RASSF5: variants seen among roughly 807,000 people sequenced by gnomAD.
The protein encoded by RASSF5 is ras association domain-containing protein 5.
In RASSF5, 25 loss-of-function variants were observed where a neutral mutation model predicts 40.5. The ratio of observed to expected loss-of-function variants is 0.62; its 90% confidence interval spans 0.45 to 0.86. RASSF5 has a LOEUF of 0.86. Ranked by LOEUF, RASSF5 falls within the 40% of genes least tolerant of loss-of-function variation. The pLI, the probability that RASSF5 is intolerant of heterozygous loss-of-function variation, is 0.00. For synonymous variants in RASSF5, 246 were observed against 252.4 expected (o/e 0.97, Z 0.24); for missense variants, 521 against 572.8 (o/e 0.91, Z 0.92).
chr1:206,583,794 T>C (rs1553406897), intron 3 of RASSF5: 1 of 191,812 alleles, frequency 5.2e-6, no homozygotes, highest in Non-Finnish European at 1.1e-5. Flanking sequence ...GCACCCAACT[T>C]AGCACCCAGT....
At chr1:206,530,999 A>G (rs1404540444) in intron 1 of RASSF5, among the ~76,000 whole-genome samples, 4 of 152,254 alleles carry the variant, frequency 2.6e-5, no homozygotes, top group Admixed American at 6.5e-5. Context: ...CGAGGTAAAA[A>G]GGAGAACTAA....
intron 2 of RASSF5, among the ~76,000 whole-genome samples, chr1:206,548,508 A>T (rs1667754214): frequency 6.6e-6 from 1 of 152,170 alleles, no homozygotes; most frequent in African/African-American, 2.4e-5. Flanking sequence ...TGCCGCCTCA[A>T]CCTAGACACC....
chr1:206,519,076 G>C (rs782406268), intron 1 of RASSF5, among the ~76,000 whole-genome samples: 7 of 152,088 alleles, frequency 4.6e-5, no homozygotes, highest in Non-Finnish European at 8.8e-5. Flanking sequence ...TCCCGGCCTC[G>C]GGAAGTGGCC....
intron 1 of RASSF5, among the ~76,000 whole-genome samples, chr1:206,537,221 T>C (rs782064748): frequency 5.9e-5 from 9 of 152,292 alleles, no homozygotes; most frequent in Non-Finnish European, 1.2e-4. Context: ...ATCTCTGAGG[T>C]AGTCCCCAAA....
rs782676982 is a variant in RASSF5, at chr1:206,531,345, G to A, written c.458-6827G>A. ...AGGGTCGCATTCAGGAACTGTGGCC[G>A]AGGAGATCCGGAGCAGGCGGTGAGG... On this transcript the variant is annotated intron_variant, in intron 1 of 5. Transcript: ENST00000579436. This position sits in a 1 kb window ranked among gnomAD's most constrained non-coding sequence, Gnocchi z 4.7. Among the ~76,000 whole-genome samples, 7 of 152,246 alleles carry A rather than the reference G, an allele frequency of 4.6e-5. No individual in the cohort carries two copies. The highest frequency in any genetic ancestry group is 1.0e-4 in the Non-Finnish European group (7 of 68,046).
intron 2 of RASSF5, among the ~76,000 whole-genome samples, chr1:206,576,144 A>G (rs1553405153): frequency 2.0e-5 from 3 of 152,256 alleles, no homozygotes; most frequent in Admixed American, 6.5e-5. Flanking sequence ...AACATGTGAA[A>G]CAATCATTAA....
At position 206,531,689 on chromosome 1, in the gene RASSF5, G is replaced by T. The variant is rs1178965281; in HGVS notation, c.458-6483G>T. ...AAGGGATTGAAGACAGGTACCATGA[G>T]ATGGTGACAGTCCCCACTGACTTAT... On this transcript the variant is annotated intron_variant, in intron 1 of 5. Coordinates refer to ENST00000579436, the MANE Select transcript of RASSF5 (RefSeq NM_182663.4). This position sits in a 1 kb window ranked among gnomAD's most constrained non-coding sequence, Gnocchi z 4.7. Among the ~76,000 whole-genome samples the T allele has an allele frequency of 2.0e-5, 3 of 152,204 alleles. No homozygotes were observed. The highest frequency in any genetic ancestry group is 2.9e-5 in the Non-Finnish European group (2 of 68,030).
At chr1:206,551,434 T>C (rs1476219947) in intron 2 of RASSF5, among the ~76,000 whole-genome samples, 4 of 152,198 alleles carry the variant, frequency 2.6e-5, no homozygotes, top group Non-Finnish European at 5.9e-5. Context: ...CTGGGACAGC[T>C]TTCTCCATGG....
chr1:206,564,502 A>C (rs1272650691), intron 2 of RASSF5, among the ~76,000 whole-genome samples: 1 of 152,222 alleles, frequency 6.6e-6, no homozygotes, highest in Non-Finnish European at 1.5e-5. Flanking sequence ...GAAAGATTTT[A>C]TGCCAGTATC....
At chr1:206,512,820 A>T (rs1422751835) in intron 1 of RASSF5, among the ~76,000 whole-genome samples, 2 of 152,246 alleles carry the variant, frequency 1.3e-5, no homozygotes, top group Non-Finnish European at 2.9e-5. Flanking sequence ...GAGAATGGGC[A>T]TAAGAAGAAT....
chr1:206,518,685 A>G, intron 1 of RASSF5: 1 of 394,010 alleles, frequency 2.5e-6, no homozygotes, highest in Non-Finnish European at 4.5e-6. Context: ...GGCCCTCCTG[A>G]CTCCGCAAGG....
At chr1:206,582,369 T>A (rs1668925688) in intron 2 of RASSF5, among the ~76,000 whole-genome samples, 1 of 152,180 alleles carries the variant, frequency 6.6e-6, no homozygotes, top group Admixed American at 6.5e-5. Flanking sequence ...AGGAACACAA[T>A]GGGACAGACC....
intron 1 of RASSF5, among the ~76,000 whole-genome samples, chr1:206,511,554 C>T (rs1415089433): frequency 6.6e-6 from 1 of 152,190 alleles, no homozygotes; most frequent in Admixed American, 6.5e-5. Flanking sequence ...CACCTGTCTG[C>T]TCCTGGAGTC....
At chr1:206,580,019 G>A (rs1363075523) in intron 2 of RASSF5, among the ~76,000 whole-genome samples, 1 of 152,296 alleles carries the variant, frequency 6.6e-6, no homozygotes, top group East Asian at 1.9e-4. Context: ...TCCCAGACAG[G>A]GCTTCCCATC....
chr1:206,540,409 C>T (rs1325586652), intron 2 of RASSF5, among the ~76,000 whole-genome samples: 1 of 152,250 alleles, frequency 6.6e-6, no homozygotes, highest in Non-Finnish European at 1.5e-5. Flanking sequence ...AACCCTCTGG[C>T]AAGTGAAATC....
chr1:206,546,139 C>A, intron 2 of RASSF5, among the ~76,000 whole-genome samples: 1 of 110,974 alleles, frequency 9.0e-6, no homozygotes, highest in Non-Finnish European at 1.7e-5. Context: ...GACAGGATCT[C>A]ATTCGGTCAC....
intron 1 of RASSF5, among the ~76,000 whole-genome samples, chr1:206,523,921 AT>A (rs1553396680): frequency 8.8e-6 from 1 of 113,588 alleles, no homozygotes; most frequent in East Asian, 2.3e-4. Flanking sequence ...TATATAATAT[AT>A]ATACCATATA....
chr1:206,582,913 T>C (rs529602069), intron 2 of RASSF5, among the ~76,000 whole-genome samples: 1 of 152,310 alleles, frequency 6.6e-6, no homozygotes, highest in African/African-American at 2.4e-5. Context: ...CATAGCAGCT[T>C]TCCATAAGCA....
intron 1 of RASSF5, chr1:206,529,646 G>A: frequency 1.3e-6 from 1 of 762,048 alleles, no homozygotes; most frequent in Non-Finnish European, 2.4e-6. Context: ...CCAAGTCTGT[G>A]GCTCACATCG....
Sources: allele counts gnomAD v4.1 joint callset (sites outside exome capture counted in the v4.1 genomes callset), GRCh38; gene constraint gnomAD v4.1.1; non-coding constraint Gnocchi (gnomAD v3.1); transcripts MANE v1.5; gene names NCBI Gene and HGNC (gene_info 2026-07-23, HGNC 2026-07-21).